KCNQ1: variants seen among roughly 807,000 people sequenced by gnomAD.
KCNQ1 encodes potassium voltage-gated channel subfamily KQT member 1.
Under a neutral mutation model 72.4 loss-of-function variants are expected in KCNQ1, and 49 were observed. That is an observed-to-expected ratio of 0.68 (90% confidence interval 0.54 to 0.86). KCNQ1 has a LOEUF of 0.86. Ranked by LOEUF, KCNQ1 falls within the 40% of genes least tolerant of loss-of-function variation. The probability of loss-of-function intolerance (pLI) is 0.00; values close to 1 mark genes in which losing one functional copy is unlikely to be tolerated. For synonymous variants in KCNQ1, 450 were observed against 412.6 expected, an observed-to-expected ratio of 1.09 and a Z score of -1.10; for missense variants, 790 against 945.1, an observed-to-expected ratio of 0.84 and a Z score of 2.15.
At position 2,471,463 on chromosome 11, in the gene KCNQ1, A is replaced by G. The variant is rs2133597209; in HGVS notation, c.386+25979A>G. ...GAGACCCAGGGGACCTGCGAGATCC[A>G]TCTCGCCCCACACACCACCAGGTCC... On this transcript the variant is annotated intron_variant, in intron 1 of 15. Coordinates refer to ENST00000155840, the MANE Select transcript of KCNQ1 (RefSeq NM_000218.3). The surrounding 1 kb of genome is among the most constrained non-coding windows in gnomAD (Gnocchi z 4.8). Among the ~76,000 whole-genome samples, 1 of 152,318 alleles carries G rather than the reference A, an allele frequency of 6.6e-6. No individual in the cohort carries two copies. Among genetic ancestry groups the G allele is most frequent in the South Asian group, 2.1e-4 (1 of 4,830 alleles).
At chr11:2,480,480 C>T (rs1166266044) in intron 1 of KCNQ1, among the ~76,000 whole-genome samples, 4 of 152,190 alleles carry the variant, frequency 2.6e-5, no homozygotes, top group African/African-American at 9.7e-5. Flanking sequence ...CCTTATAAAA[C>T]CATCAGATCT....
At chr11:2,761,712 T>C (rs1846399034) in intron 11 of KCNQ1, among the ~76,000 whole-genome samples, 1 of 152,232 alleles carries the variant, frequency 6.6e-6, no homozygotes, top group African/African-American at 2.4e-5. Flanking sequence ...CAGGGTGGAC[T>C]GTGTTCAGCA....
chr11:2,665,374 G>A (rs1850048375), intron 11 of KCNQ1: 5 of 397,956 alleles, frequency 1.3e-5, no homozygotes, highest in Non-Finnish European at 2.2e-5. Context: ...CATGACAAGA[G>A]GAGCCCTGTA....
intron 1 of KCNQ1, among the ~76,000 whole-genome samples, chr11:2,501,843 T>A (rs980930750): frequency 5.3e-5 from 8 of 150,916 alleles, no homozygotes; most frequent in Non-Finnish European, 1.0e-4. Flanking sequence ...AAAAGATCAC[T>A]CTTCATGACC....
At chr11:2,733,258 G>T (rs947145861) in intron 11 of KCNQ1, among the ~76,000 whole-genome samples, 19 of 135,114 alleles carry the variant, frequency 1.4e-4, no homozygotes, top group African/African-American at 5.4e-4. Context: ...TCCTTTGTGT[G>T]TCCAGAGGGA....
intron 10 of KCNQ1, chr11:2,639,295 T>C (rs115614041): frequency 0.065 from 9,853 of 152,212 alleles, 399 homozygotes; most frequent in African/African-American, 0.096. Flanking sequence ...GTGCTCTGAG[T>C]TTTAGAATTT....
rs1222431042 is a variant in KCNQ1, at chr11:2,446,925, A to C, written c.386+1441A>C. Reference sequence around the variant, plus strand: ...GAACCCAGTCCGATGCCACTGTGCAAATGTCTAGCAGATGCCAGGTTCACA... The same window carrying C: ...GAACCCAGTCCGATGCCACTGTGCACATGTCTAGCAGATGCCAGGTTCACA... On this transcript the variant is annotated intron_variant, in intron 1 of 15. Coordinates refer to ENST00000155840, the MANE Select transcript of KCNQ1 (RefSeq NM_000218.3). The surrounding 1 kb of genome is among the most constrained non-coding windows in gnomAD (Gnocchi z 8.8). Among the ~76,000 whole-genome samples the C allele has an allele frequency of 6.6e-6, 1 of 152,150 alleles. No homozygotes were observed. The highest frequency in any genetic ancestry group is 2.4e-5 in the African/African-American group (1 of 41,422).
rs181465143 is a variant in KCNQ1 at position 2,549,988 on chromosome 11, C to T, written c.478-20640C>T. On this transcript the variant is annotated intron_variant, in intron 2 of 15. Coordinates refer to ENST00000155840, the MANE Select transcript of KCNQ1 (RefSeq NM_000218.3). The surrounding 1 kb of genome is among the most constrained non-coding windows in gnomAD (Gnocchi z 6.2). ...GCTCCACCTCCAGTAGACCCAGAGA[C>T]GGGGAGGCCAGGGTGCAGGGGACTG... Among the ~76,000 whole-genome samples, 474 of 152,306 alleles carry T rather than the reference C, an allele frequency of 3.1e-3. 4 individuals carry two copies. The highest frequency in any genetic ancestry group is 0.016 in the South Asian group (75 of 4,822).
chr11:2,698,877 C>A lies in KCNQ1; in HGVS notation c.1514+36796C>A. ...AGACCCGGACTGACTGGGACCCCAA[C>A]TACTCAGATCCCAACTCAGGCAAAC... is the stretch of plus-strand genomic sequence containing the variant. On this transcript the variant is annotated intron_variant, in intron 11 of 15. Transcript: ENST00000155840. The surrounding 1 kb of genome is among the most constrained non-coding windows in gnomAD (Gnocchi z 5.1). The A allele has an allele frequency of 2.5e-6, 1 of 398,814 alleles. No homozygotes were observed. The highest frequency in any genetic ancestry group is 4.4e-6 in the Non-Finnish European group (1 of 226,200). The allele number at this position is 398,814 out of a possible 1,614,324, so 24.7% of individuals were successfully genotyped here.
rs1291629693 is a variant in KCNQ1, at chr11:2,787,504, C to T, written c.1794+9467C>T. Reference sequence around the variant, plus strand: ...CTCCCTTACTTCCTGGTCAGCTCATCCATGCTAGCCACAGATATCATTTTA... The same window carrying T: ...CTCCCTTACTTCCTGGTCAGCTCATTCATGCTAGCCACAGATATCATTTTA... On this transcript the variant is annotated intron_variant, in intron 15 of 15. Transcript: ENST00000155840. The surrounding 1 kb of genome is among the most constrained non-coding windows in gnomAD (Gnocchi z 6.3). Among the ~76,000 whole-genome samples the T allele has an allele frequency of 2.0e-5, 3 of 152,152 alleles. No individual in the cohort carries two copies. Among genetic ancestry groups the T allele is most frequent in the African/African-American group, 7.2e-5 (3 of 41,428 alleles).
intron 14 of KCNQ1, 22 bp downstream of exon 14, chr11:2,777,054 T>A: frequency 6.2e-7 from 1 of 1,613,520 alleles, no homozygotes; most frequent in Non-Finnish European, 8.5e-7. Flanking sequence ...TGTCAGTTAC[T>A]CTGGGCCCAG....
rs1021872438 is a variant in KCNQ1, at chr11:2,457,502, C to T, written c.386+12018C>T. On this transcript the variant is annotated intron_variant, in intron 1 of 15. Transcript: ENST00000155840. This position sits in a 1 kb window ranked among gnomAD's most constrained non-coding sequence, Gnocchi z 5.0. The stretch of plus-strand genomic sequence containing the variant: ...ATGGATGCAGCTGGAGGTCGTTATC[C>T]TAAGTGAATTAATGCAGAAACTGAA... 1.3e-5 allele frequency among the ~76,000 whole-genome samples: 2 copies of T among 152,110 alleles called. No individual in the cohort carries two copies. The highest frequency in any genetic ancestry group is 2.4e-5 in the African/African-American group (1 of 41,392).
chr11:2,780,923 G>T (rs1846812041), intron 15 of KCNQ1, among the ~76,000 whole-genome samples: 2 of 152,244 alleles, frequency 1.3e-5, no homozygotes, highest in African/African-American at 4.8e-5. Flanking sequence ...CAACTACCTT[G>T]CAGGACGTCC....
In KCNQ1 at chr11:2,827,821, C is replaced by T. The variant is rs903136191; in HGVS notation, c.1795-19946C>T. 1.3e-5 allele frequency among the ~76,000 whole-genome samples: 2 copies of T among 152,008 alleles called. No individual in the cohort carries two copies. Among genetic ancestry groups the T allele is most frequent in the African/African-American group, 2.4e-5 (1 of 41,352 alleles). ...TGTAAGTAGCAGGTATGTGGTGGTACTGTTTTCCGGAATGAAGAGGAAGGG... is the reference window on the plus strand; with the variant it reads ...TGTAAGTAGCAGGTATGTGGTGGTATTGTTTTCCGGAATGAAGAGGAAGGG... On this transcript the variant is annotated intron_variant, in intron 15 of 15. Coordinates refer to ENST00000155840, the MANE Select transcript of KCNQ1 (RefSeq NM_000218.3). This position sits in a 1 kb window ranked among gnomAD's most constrained non-coding sequence, Gnocchi z 6.7.
At chr11:2,573,270 G>T (rs1334390348) in intron 6 of KCNQ1, among the ~76,000 whole-genome samples, 4 of 152,164 alleles carry the variant, frequency 2.6e-5, no homozygotes, top group Non-Finnish European at 5.9e-5. Flanking sequence ...TGTGTTGGGG[G>T]CTTAGCGGTT....
intron 1 of KCNQ1, among the ~76,000 whole-genome samples, chr11:2,519,189 C>T (rs1423031781): frequency 2.0e-5 from 3 of 152,176 alleles, no homozygotes; most frequent in South Asian, 2.1e-4. Context: ...CTACTCCCGA[C>T]GTGGCAGCTG....
At chr11:2,648,089 A>C (rs987098097) in intron 10 of KCNQ1, 3 of 395,370 alleles carry the variant, frequency 7.6e-6, no homozygotes, top group African/African-American at 6.3e-5. Context: ...GTGGTGCTGC[A>C]CATCTACTCA....
chr11:2,805,004 G>A (rs1310419629), intron 15 of KCNQ1, among the ~76,000 whole-genome samples: 1 of 152,228 alleles, frequency 6.6e-6, no homozygotes, highest in Non-Finnish European at 1.5e-5. Flanking sequence ...CACAGGCAAT[G>A]AGGCCCCCGG....
intron 15 of KCNQ1, among the ~76,000 whole-genome samples, chr11:2,791,115 A>C (rs1847012975): frequency 6.6e-6 from 1 of 152,218 alleles, no homozygotes; most frequent in South Asian, 2.1e-4. Context: ...CTTTTTAAAA[A>C]TTCAGCTCAA....
Sources: allele counts gnomAD v4.1 joint callset (sites outside exome capture counted in the v4.1 genomes callset), GRCh38; gene constraint gnomAD v4.1.1; non-coding constraint Gnocchi (gnomAD v3.1); transcripts MANE v1.5; gene names NCBI Gene and HGNC (gene_info 2026-07-23, HGNC 2026-07-21).